The following AHDC1 variants were observed in gnomAD, a reference collection of about 807,000 sequenced individuals.
The protein encoded by AHDC1 is transcription factor Gibbin.
AHDC1 carries 7 observed loss-of-function variants against 87.9 expected under a neutral mutation model. That is an observed-to-expected ratio of 0.08 (90% CI 0.05 to 0.15). The LOEUF (loss-of-function observed/expected upper bound fraction) is 0.15, where lower values mean the gene tolerates loss of function less well. Ranked by LOEUF, AHDC1 falls within the 10% of genes least tolerant of loss-of-function variation. The pLI is 1.00. For synonymous variants in AHDC1, 1,051 were observed against 1,006.8 expected (o/e 1.04, Z -0.83); for missense variants, 1,841 against 2,253.2 (o/e 0.82, Z 3.70).
At position 27,551,069 on chromosome 1, in the gene AHDC1, C is replaced by T; in HGVS notation, c.1047G>A (p.Glu349=). The T allele has an allele frequency of 6.4e-7, 1 of 1,558,794 alleles. No individual in the cohort carries two copies. The highest frequency in any genetic ancestry group is 8.7e-7 in the Non-Finnish European group (1 of 1,153,328). ...KLLDVPGRRL[E]PQQPLGHCPL... is the part of the protein sequence containing the mutation. Reference sequence around the variant, plus strand: ...GGCAGTGCCCCAGGGGCTGCTGGGGCTCCAGACGGCGACCTGGGACGTCAA... The same window carrying T: ...GGCAGTGCCCCAGGGGCTGCTGGGGTTCCAGACGGCGACCTGGGACGTCAA... The change falls in exon 8 of 9, where the codon GAG becomes GAA. Residue 349 remains glutamate (E), a synonymous_variant. Coordinates refer to ENST00000673934, the MANE Select transcript of AHDC1 (RefSeq NM_001371928.1).
chr1:27,543,914 G>A (rs2019047032), intron 8 of AHDC1, among the ~76,000 whole-genome samples: 1 of 151,730 alleles, frequency 6.6e-6, no homozygotes, highest in South Asian at 2.1e-4. Flanking sequence ...CTGCACTCCA[G>A]CCTCGGCGAC....
At chr1:27,557,069 C>T (rs917631987) in intron 5 of AHDC1, among the ~76,000 whole-genome samples, 135 of 150,756 alleles carry the variant, frequency 9.0e-4, no homozygotes, top group African/African-American at 3.2e-3. Context: ...AACCCTCGCC[C>T]ACCCCCTTCC....
At chr1:27,587,524 C>T (rs1185329969) in intron 3 of AHDC1, among the ~76,000 whole-genome samples, 2 of 152,170 alleles carry the variant, frequency 1.3e-5, no homozygotes, top group Non-Finnish European at 2.9e-5. Context: ...ATACCAGTTC[C>T]TCCATGAGCC....
In AHDC1 at chr1:27,549,154, T is replaced by C. The variant is rs765376039; in HGVS notation, c.2962A>G (p.Thr988Ala). Residue 988 changes from threonine (T) to alanine (A), a missense_variant, in exon 8 of 9, where the codon ACA becomes GCA. Transcript: ENST00000673934. ...TTGCTGTTAGCGCAGTCCTGGCCTG[T>C]AAAGGGCTTAGTTGGGGCGAATACG... ...QSVFAPTKPF[T>A]GQDCANSKDC... 3.2e-6 allele frequency: 5 copies of C among 1,564,616 alleles called. No homozygotes were observed. In the Admixed American group the frequency reaches 8.8e-5, roughly 28 times the overall value.
In AHDC1 at chr1:27,547,829, G is replaced by A. The variant is rs1312657722; in HGVS notation, c.4287C>T (p.Leu1429=). Residue 1429 remains leucine (L), a synonymous_variant, in exon 8 of 9, where the codon CTC becomes CTT. Coordinates refer to ENST00000673934, the MANE Select transcript of AHDC1 (RefSeq NM_001371928.1). The surrounding 1 kb of genome is among the most constrained non-coding windows in gnomAD (Gnocchi z 4.9). Reference sequence around the variant, plus strand: ...CTGCGTGGCCCAGGCTGGCCCCCTGGAGTCCATGCTTGAGGGGCTCGCAGG... The same window carrying A: ...CTGCGTGGCCCAGGCTGGCCCCCTGAAGTCCATGCTTGAGGGGCTCGCAGG... The part of the protein sequence containing the change: ...LAACEPLKHG[L]QGASLGHAAA... 1 of 1,550,906 alleles carries A rather than the reference G, an allele frequency of 6.4e-7. No homozygotes were observed. Among genetic ancestry groups the A allele is most frequent in the East Asian group, 2.3e-5 (1 of 44,206 alleles).
At position 27,560,963 on chromosome 1, in the gene AHDC1, CCT is replaced by C. The variant is rs373682300; in HGVS notation, c.-628-2082_-628-2081del. 3.7e-4 allele frequency among the ~76,000 whole-genome samples: 55 copies of C among 148,798 alleles called. No homozygotes were observed. Among genetic ancestry groups the C allele is most frequent in the Non-Finnish European group, 4.3e-4 (29 of 66,788 alleles). On this transcript the variant is annotated intron_variant, in intron 3 of 8. Transcript: ENST00000673934. The surrounding 1 kb of genome is among the most constrained non-coding windows in gnomAD (Gnocchi z 4.1). ...CCTCTTCCCTCCCTCTCCCTCCCTT[CCT>C]CTCTCTCTCTCTCTGTAGGAGCCAG...
intron 5 of AHDC1, among the ~76,000 whole-genome samples, chr1:27,553,830 C>G (rs969895779): frequency 6.6e-6 from 1 of 152,170 alleles, no homozygotes; most frequent in Non-Finnish European, 1.5e-5. Flanking sequence ...CTTTGGGAGG[C>G]TGAGGCAGGA....
In AHDC1 at chr1:27,551,596, C is replaced by A; in HGVS notation, c.520G>T (p.Ala174Ser). 6.2e-7 allele frequency: 1 copy of A among 1,611,412 alleles called. No homozygotes were observed. The highest frequency in any genetic ancestry group is 8.5e-7 in the Non-Finnish European group (1 of 1,178,026). ...TCCTCAGGGCTACGGATGCTGTTGG[C>A]CAAACTGGGTGAGGAGAAGAAGCTG... ...QYSFFSSPSLANSIRSPEERA... is the reference protein window; with the variant it reads ...QYSFFSSPSLSNSIRSPEERA... Residue 174 changes from alanine (A) to serine (S), a missense_variant, in exon 8 of 9, where the codon GCC becomes TCC. Physicochemically the swap from Ala to Ser is moderately conservative, Grantham distance 99. Coordinates refer to ENST00000673934, the MANE Select transcript of AHDC1 (RefSeq NM_001371928.1).
At chr1:27,566,970 C>T (rs1571282706) in intron 3 of AHDC1, among the ~76,000 whole-genome samples, 1 of 152,046 alleles carries the variant, frequency 6.6e-6, no homozygotes, top group South Asian at 2.1e-4. Flanking sequence ...CCCCTGCCCT[C>T]GGGGCTCTAC....
At position 27,551,304 on chromosome 1, in the gene AHDC1, G is replaced by A. The variant is rs761350031; in HGVS notation, c.812C>T (p.Pro271Leu). The change falls in exon 8 of 9, where the codon CCG becomes CTG. Residue 271 changes from proline (P) to leucine (L), a missense_variant. Transcript: ENST00000673934. ...AQALEPPSPE[P>L]EPQLLDPQPR... is the part of the protein sequence containing the mutation. ...CTGGGGGTCCAGGAGCTGAGGCTCCGGCTCGGGCGATGGTGGCTCGAGGGC... is the reference window on the plus strand; with the variant it reads ...CTGGGGGTCCAGGAGCTGAGGCTCCAGCTCGGGCGATGGTGGCTCGAGGGC... 2.0e-5 allele frequency: 33 copies of A among 1,611,550 alleles called. No individual in the cohort carries two copies. The Admixed American group carries it at 3.8e-4, about 19-fold the overall frequency.
intron 8 of AHDC1, among the ~76,000 whole-genome samples, chr1:27,538,341 T>C (rs1387584588): frequency 7.0e-6 from 1 of 143,646 alleles, no homozygotes; most frequent in Non-Finnish European, 1.5e-5. Flanking sequence ...AAGCGGAGGT[T>C]GCAGTGAGCT....
At position 27,548,804 on chromosome 1, in the gene AHDC1, C is replaced by G; in HGVS notation, c.3312G>C (p.Gly1104=). The G allele has an allele frequency of 6.2e-7, 1 of 1,612,818 alleles. No homozygotes were observed. Among genetic ancestry groups the G allele is most frequent in the Non-Finnish European group, 8.5e-7 (1 of 1,179,788 alleles). The change falls in exon 8 of 9, where the codon GGG becomes GGC. Residue 1104 remains glycine, a synonymous_variant. Transcript: ENST00000673934. ...CCTGCCGGAAAGGCCACTGAGAAGC[C>G]CCCGCAAACTGCCGACAGTTCTCGG... is the stretch of plus-strand genomic sequence containing the variant. ...PSPENCRQFA[G]ASQWPFRQGY... is the part of the protein sequence containing the mutation.
At chr1:27,539,133 CTTTT>C (rs2018788301) in intron 8 of AHDC1, among the ~76,000 whole-genome samples, 1 of 141,424 alleles carries the variant, frequency 7.1e-6, no homozygotes, top group Non-Finnish European at 1.5e-5. Flanking sequence ...AGCTTTTTTT[CTTTT>C]CTTTTTTTTT....
rs1463641831 is a variant in AHDC1 at position 27,548,098 on chromosome 1, G to A, written c.4018C>T (p.Pro1340Ser). ...SRAFGVGERDPCDFIGPYSMN... is the reference protein window; with the variant it reads ...SRAFGVGERDSCDFIGPYSMN... ...GAGTAGGGTCCTATGAAGTCACAGG[G>A]GTCTCGCTCTCCCACGCCGAAGGCC... The change falls in exon 8 of 9, where the codon CCC (proline) becomes TCC (serine). Residue 1340 changes from proline (P) to serine (S), a missense_variant. Physicochemically the swap from Pro to Ser is moderately conservative, Grantham distance 74. Transcript: ENST00000673934. 1 of 1,613,938 alleles carries A rather than the reference G, an allele frequency of 6.2e-7. No homozygotes were observed. The highest frequency in any genetic ancestry group is 1.7e-5 in the Admixed American group (1 of 60,036).
Position 27,547,447 on chromosome 1 carries a change from G to A in AHDC1, c.4669C>T (p.Leu1557=), listed in dbSNP as rs1372533524. ...TLSPVPRDSL[L]PLQDTAYRYP... ...CTGTAGGCGGTGTCCTGCAGGGGCA[G>A]CAGCGAGTCCCTCGGCACGGGGGAC... is the stretch of plus-strand genomic sequence containing the variant. The change falls in exon 8 of 9, where the codon CTG becomes TTG. Residue 1557 remains leucine, a synonymous_variant. Transcript: ENST00000673934. This position sits in a 1 kb window ranked among gnomAD's most constrained non-coding sequence, Gnocchi z 4.9. 6.3e-7 allele frequency: 1 copy of A among 1,589,896 alleles called. No individual in the cohort carries two copies. Among genetic ancestry groups the A allele is most frequent in the African/African-American group, 1.3e-5 (1 of 74,706 alleles).
At position 27,549,794 on chromosome 1, in the gene AHDC1, A is replaced by G. The variant is rs1445846701; in HGVS notation, c.2322T>C (p.Gly774=). The part of the protein sequence containing the change: ...AGAEWAGDKG[G]GWAPHHGHPG... The stretch of plus-strand genomic sequence containing the variant: ...GGTGCCCATGGTGAGGGGCCCAGCC[A>G]CCACCCTTATCCCCGGCCCACTCAG... Residue 774 remains glycine, a synonymous_variant, in exon 8 of 9, where the codon GGT becomes GGC. Coordinates refer to ENST00000673934, the MANE Select transcript of AHDC1 (RefSeq NM_001371928.1). The G allele has an allele frequency of 6.2e-7, 1 of 1,613,264 alleles. No homozygotes were observed. The highest frequency in any genetic ancestry group is 1.3e-5 in the African/African-American group (1 of 74,872).
At chr1:27,579,089 G>C (rs1170720463) in intron 3 of AHDC1, among the ~76,000 whole-genome samples, 2 of 149,374 alleles carry the variant, frequency 1.3e-5, no homozygotes, top group Non-Finnish European at 3.0e-5. Flanking sequence ...TTGTCACTCA[G>C]GCTAGAGTGC....
chr1:27,566,524 G>A (rs947353440), intron 3 of AHDC1, among the ~76,000 whole-genome samples: 1 of 151,846 alleles, frequency 6.6e-6, no homozygotes, highest in Non-Finnish European at 1.5e-5. Flanking sequence ...AGCGACCCGG[G>A]AGCTGGAGAC....
chr1:27,566,779 G>A (rs987229049), intron 3 of AHDC1, among the ~76,000 whole-genome samples: 1 of 148,252 alleles, frequency 6.7e-6, no homozygotes, highest in Non-Finnish European at 1.5e-5. Context: ...CAGATGCATC[G>A]GCTCTGGTTT....
Sources: gnomAD v4.1 joint callset for allele counts (sites outside exome capture counted in the v4.1 genomes callset) on GRCh38, gnomAD v4.1.1 for gene constraint, Gnocchi (gnomAD v3.1) non-coding constraint, MANE v1.5 for transcripts, NCBI Gene and HGNC (gene_info 2026-07-23, HGNC 2026-07-21) for gene names.